The following WWOX variants were observed in gnomAD, a reference collection of about 807,000 sequenced individuals.
The protein encoded by WWOX is WW domain-containing oxidoreductase.
WWOX carries 69 observed loss-of-function variants against 46.2 expected under a neutral mutation model. That is an observed-to-expected ratio of 1.49 (90% CI 1.23 to 1.82). The LOEUF (loss-of-function observed/expected upper bound fraction) is 1.82. Ranked by LOEUF, WWOX falls within the 40% of genes most tolerant of loss-of-function variation. The pLI is 0.00. For synonymous variants in WWOX, 359 were observed against 202.6 expected (o/e 1.77, Z -6.56); for missense variants, 919 against 542.6 (o/e 1.69, Z -6.89).
chr16:78,589,154 G>C (rs542900701), intron 8 of WWOX, among the ~76,000 whole-genome samples: 1 of 152,170 alleles, frequency 6.6e-6, no homozygotes. Context: ...TAGTATTTCT[G>C]TTGGGATCCG....
intron 8 of WWOX, among the ~76,000 whole-genome samples, chr16:78,766,985 G>A (rs150983505): frequency 2.2e-4 from 34 of 152,076 alleles, no homozygotes; most frequent in African/African-American, 7.5e-4. Context: ...TTTACTTTCT[G>A]CATCTATGAA....
chr16:78,467,836 G>A (rs930440957), intron 8 of WWOX, among the ~76,000 whole-genome samples: 2 of 152,158 alleles, frequency 1.3e-5, no homozygotes, highest in East Asian at 1.9e-4. Context: ...AAGCTATGAA[G>A]CATATTGGAA....
At chr16:78,817,644 C>A (rs970081153) in intron 8 of WWOX, among the ~76,000 whole-genome samples, 1 of 152,174 alleles carries the variant, frequency 6.6e-6, no homozygotes, top group African/African-American at 2.4e-5. Context: ...CTGTTAAGTC[C>A]TGTACTCCTG....
chr16:79,017,727 G>T (rs1255337344), intron 8 of WWOX, among the ~76,000 whole-genome samples: 1 of 151,262 alleles, frequency 6.6e-6, no homozygotes, highest in East Asian at 1.9e-4. Flanking sequence ...CATAAAACCA[G>T]TCTAAAAAAG....
intron 8 of WWOX, among the ~76,000 whole-genome samples, chr16:78,457,493 C>A (rs1356813859): frequency 2.0e-5 from 3 of 152,110 alleles, no homozygotes; most frequent in Admixed American, 2.0e-4. Flanking sequence ...ACTGTTGATT[C>A]TTTTTTTCAT....
chr16:78,214,408 C>T (rs1200568950), intron 5 of WWOX, among the ~76,000 whole-genome samples: 4 of 152,186 alleles, frequency 2.6e-5, no homozygotes, highest in Non-Finnish European at 4.4e-5. Context: ...CACCAAGCAA[C>T]AGTGGCTGGC....
At chr16:78,892,248 T>A (rs541029955) in intron 8 of WWOX, 1 of 152,266 alleles carries the variant, frequency 6.6e-6, no homozygotes, top group Admixed American at 6.5e-5. Flanking sequence ...TAGCTCCTCT[T>A]TAATCTCAAG....
At chr16:78,471,904 C>T (rs1436573705) in intron 8 of WWOX, among the ~76,000 whole-genome samples, 3 of 151,970 alleles carry the variant, frequency 2.0e-5, no homozygotes, top group Non-Finnish European at 4.4e-5. Context: ...CAAAATATTC[C>T]AGATAACGGT....
At position 79,158,010 on chromosome 16, in the gene WWOX, A is replaced by G. The variant is rs141277849; in HGVS notation, c.1057-53598A>G. Among the ~76,000 whole-genome samples the G allele has an allele frequency of 3.2e-3, 489 of 152,294 alleles. 14 individuals are homozygous for G. Among genetic ancestry groups the G allele is most frequent in the Admixed American group, 0.03 (466 of 15,302 alleles). The stretch of plus-strand genomic sequence containing the variant: ...GTAAGTTCTGGATTGGTTGGGTTGC[A>G]TTCAAAAGGGGTGCCCCCAAGTGAG... On this transcript the variant is annotated intron_variant, in intron 8 of 8. Coordinates refer to ENST00000566780, the MANE Select transcript of WWOX (RefSeq NM_016373.4).
At chr16:78,825,274 C>G (rs560814374) in intron 8 of WWOX, 15 of 279,416 alleles carry the variant, frequency 5.4e-5, no homozygotes, top group Non-Finnish European at 7.9e-5. Flanking sequence ...TGGTGTGCAG[C>G]AGCATGATGG....
intron 8 of WWOX, among the ~76,000 whole-genome samples, chr16:78,770,654 C>T (rs2050041694): frequency 6.6e-6 from 1 of 151,572 alleles, no homozygotes; most frequent in African/African-American, 2.4e-5. Context: ...GGGAAACTCC[C>T]GCCCCCTCCC....
chr16:78,803,027 T>C (rs1322433858), intron 8 of WWOX, among the ~76,000 whole-genome samples: 1 of 150,498 alleles, frequency 6.6e-6, no homozygotes, highest in East Asian at 1.9e-4. Flanking sequence ...TCATGGTGCC[T>C]TGTACTGTGG....
Position 78,953,938 on chromosome 16 carries a change from C to G in WWOX, c.1057-257670C>G, listed in dbSNP as rs188047301. Reference sequence around the variant, plus strand: ...TATTAATTACTTCAGTAGTCATTTACAAAATGCTGCTGAATCCAAGTCCCT... The same window carrying G: ...TATTAATTACTTCAGTAGTCATTTAGAAAATGCTGCTGAATCCAAGTCCCT... On this transcript the variant is annotated intron_variant, in intron 8 of 8. Transcript: ENST00000566780. Among the ~76,000 whole-genome samples, 544 of 152,284 alleles carry G rather than the reference C, an allele frequency of 3.6e-3. 1 individual carries two copies. Among genetic ancestry groups the G allele is most frequent in the African/African-American group, 0.013 (520 of 41,556 alleles).
chr16:78,726,094 T>TCCCG (rs2048826712), intron 8 of WWOX, among the ~76,000 whole-genome samples: 1 of 104,422 alleles, frequency 9.6e-6, no homozygotes. Context: ...TCTTCCTCCC[T>TCCCG]CCCTCCCTCC....
At chr16:79,147,517 T>C (rs2050203446) in intron 8 of WWOX, among the ~76,000 whole-genome samples, 1 of 152,224 alleles carries the variant, frequency 6.6e-6, no homozygotes, top group Non-Finnish European at 1.5e-5. Flanking sequence ...CTGAAGGAAA[T>C]CTAGTCTTGG....
chr16:78,594,100 C>G (rs543244723), intron 8 of WWOX, among the ~76,000 whole-genome samples: 3 of 151,994 alleles, frequency 2.0e-5, no homozygotes, highest in African/African-American at 7.2e-5. Context: ...ATGATAAAGT[C>G]ACTTCTCAAC....
At position 78,158,140 on chromosome 16, in the gene WWOX, A is replaced by C. The variant is rs537311223; in HGVS notation, c.410-6043A>C. 7.9e-5 allele frequency among the ~76,000 whole-genome samples: 12 copies of C among 152,346 alleles called. No homozygotes were observed. The East Asian group carries it at 2.3e-3, about 29-fold the overall frequency. ...TCCTTGAGAAGTATTCTGTATAAAT[A>C]GACTGTTTTCTATGAAGATTAGGCC... On this transcript the variant is annotated intron_variant, in intron 4 of 8. Transcript: ENST00000566780.
chr16:78,765,460 C>G (rs2049905028), intron 8 of WWOX, among the ~76,000 whole-genome samples: 1 of 152,124 alleles, frequency 6.6e-6, no homozygotes, highest in South Asian at 2.1e-4. Flanking sequence ...GGGTGGACCA[C>G]CTGAGGTCAG....
At chr16:78,572,428 C>T (rs1456893134) in intron 8 of WWOX, among the ~76,000 whole-genome samples, 1 of 151,910 alleles carries the variant, frequency 6.6e-6, no homozygotes. Context: ...GACCCCATCT[C>T]TACTAAAAAT....
Sources: gnomAD v4.1 joint callset for allele counts (sites outside exome capture counted in the v4.1 genomes callset) on GRCh38, gnomAD v4.1.1 for gene constraint, MANE v1.5 for transcripts, NCBI Gene and HGNC (gene_info 2026-07-23, HGNC 2026-07-21) for gene names.